The following MPDZ variants were observed in gnomAD, a reference collection of about 807,000 sequenced individuals.
The protein encoded by MPDZ is multiple PDZ domain protein.
MPDZ carries 234 observed loss-of-function variants against 239.1 expected under a neutral mutation model. That is an observed-to-expected ratio of 0.98 (90% CI 0.88 to 1.09). The LOEUF is 1.09. Ranked by LOEUF, MPDZ falls within the 50% of genes least tolerant of loss-of-function variation. MPDZ has a pLI of 0.00. For missense variants in MPDZ, 3,175 were observed against 2,510.0 expected, an observed-to-expected ratio of 1.26 and a Z score of -5.66; for synonymous variants, 1,048 against 881.3, an observed-to-expected ratio of 1.19 and a Z score of -3.35.
In MPDZ at chr9:13,106,893, T is replaced by C; in HGVS notation, c.*72A>G. 1 of 1,514,520 alleles carries C rather than the reference T, an allele frequency of 6.6e-7. No individual in the cohort carries two copies. The highest frequency in any genetic ancestry group is 1.3e-5 in the South Asian group (1 of 79,044). 93.8% of individuals were successfully genotyped at this position (1,514,520 alleles called of 1,614,324 possible). ...CCGGCTGAACACAGCATAAAAATTG[T>C]CAGGACCAGTGCATTCTCTTTACAG... On this transcript the variant is annotated 3_prime_UTR_variant, in exon 47 of 47. Coordinates refer to ENST00000319217, the MANE Select transcript of MPDZ (RefSeq NM_001378778.1).
intron 21 of MPDZ, among the ~76,000 whole-genome samples, chr9:13,171,782 A>C (rs1951814789): frequency 6.6e-6 from 1 of 152,194 alleles, no homozygotes; most frequent in African/African-American, 2.4e-5. Flanking sequence ...GTCATTTATT[A>C]ATAACTTCTT....
rs755549395 is a variant in MPDZ at position 13,140,108 on chromosome 9, C to A, written c.3882G>T (p.Leu1294Phe). ...AAGGAGGGGGTGGGGGCACACTGCACAATGGAGCCTTCTCTGGCTCTGACT... is the reference window on the plus strand; with the variant it reads ...AAGGAGGGGGTGGGGGCACACTGCAAAATGGAGCCTTCTCTGGCTCTGACT... The part of the protein sequence containing the change: ...QSESEPEKAP[L>F]CSVPPPPPSA... Residue 1294 changes from leucine (L) to phenylalanine (F), a missense_variant, in exon 28 of 47, where the codon TTG becomes TTT. Coordinates refer to ENST00000319217, the MANE Select transcript of MPDZ (RefSeq NM_001378778.1). 12 of 1,613,296 alleles carry A rather than the reference C, an allele frequency of 7.4e-6. No individual in the cohort carries two copies. The highest frequency in any genetic ancestry group is 9.3e-6 in the Non-Finnish European group (11 of 1,179,764).
intron 1 of MPDZ, among the ~76,000 whole-genome samples, chr9:13,259,252 G>A (rs1181791187): frequency 2.0e-5 from 3 of 151,468 alleles, no homozygotes; most frequent in Admixed American, 1.3e-4. Flanking sequence ...GGGTTCAAGC[G>A]ATTCTCCTGC....
intron 22 of MPDZ, among the ~76,000 whole-genome samples, chr9:13,167,801 T>C (rs913804692): frequency 2.6e-5 from 4 of 152,118 alleles, no homozygotes; most frequent in Admixed American, 1.3e-4. Flanking sequence ...TATGGGGTTA[T>C]TGGAAATTTT....
At chr9:13,208,789 C>G (rs1485789077) in intron 10 of MPDZ, among the ~76,000 whole-genome samples, 1 of 151,982 alleles carries the variant, frequency 6.6e-6, no homozygotes, top group Non-Finnish European at 1.5e-5. Context: ...AACCTCTGAT[C>G]TAGATGAAAA....
intron 28 of MPDZ, 123 bp from the exon 29 acceptor site, chr9:13,138,276 C>G: frequency 9.2e-7 from 1 of 1,085,902 alleles, no homozygotes; most frequent in Non-Finnish European, 1.3e-6. Flanking sequence ...TACGCTTTGA[C>G]AGTTAAAAGC....
At chr9:13,111,955 G>A in intron 43 of MPDZ, 69 bp downstream of exon 43, 1 of 1,534,346 alleles carries the variant, frequency 6.5e-7, no homozygotes, top group East Asian at 2.3e-5. Context: ...CAGGTAGCCA[G>A]GTTCAAAGGT....
At position 13,117,871 on chromosome 9, in the gene MPDZ, T is replaced by C. The variant is rs1586920361; in HGVS notation, c.5379+1631A>G. On this transcript the variant is annotated intron_variant, in intron 39 of 46. Coordinates refer to ENST00000319217, the MANE Select transcript of MPDZ (RefSeq NM_001378778.1). ...TTTTTTTTTTTTTTTTGAGATGGAG[T>C]TTCACTCTTATTGCCCAGGTTGGAC... is the stretch of plus-strand genomic sequence containing the variant. Among the ~76,000 whole-genome samples, 3 of 143,300 alleles carry C rather than the reference T, an allele frequency of 2.1e-5. No homozygotes were observed. The South Asian group carries it at 6.7e-4, about 32-fold the overall frequency. 94.0% of individuals were successfully genotyped at this position (143,300 alleles called of 152,430 possible).
Position 13,224,567 on chromosome 9 carries a change from G to A in MPDZ, c.200C>T (p.Ser67Leu), listed in dbSNP as rs1959916981. Residue 67 changes from serine to leucine, a missense_variant, in exon 4 of 47, where the codon TCA (serine) becomes TTA (leucine). Transcript: ENST00000319217. ...QLKDQVNIAT[S>L]ATSNIEYAHV... is the part of the protein sequence containing the mutation. ...GGCATATTCAATATTTGAAGTTGCT[G>A]AAGTTGCAATATTTACCTAAGAGTA... 2.5e-6 allele frequency: 4 copies of A among 1,609,878 alleles called. No individual in the cohort carries two copies. Among genetic ancestry groups the A allele is most frequent in the Non-Finnish European group, 3.4e-6 (4 of 1,177,564 alleles).
chr9:13,222,697 T>C (rs989655630), intron 5 of MPDZ, among the ~76,000 whole-genome samples: 2 of 152,118 alleles, frequency 1.3e-5, no homozygotes, highest in Non-Finnish European at 2.9e-5. Context: ...AGCTACCTAC[T>C]CAGCCTACAT....
At chr9:13,224,826 G>T (rs537304745) in intron 3 of MPDZ, among the ~76,000 whole-genome samples, 1 of 152,062 alleles carries the variant, frequency 6.6e-6, no homozygotes, top group Admixed American at 6.6e-5. Context: ...AAAAACTACC[G>T]CCAGGGTTCA....
At chr9:13,186,463 G>T in intron 17 of MPDZ, 77 bp from the exon 18 acceptor site, 1 of 1,045,788 alleles carries the variant, frequency 9.6e-7, no homozygotes, top group African/African-American at 1.6e-5. Flanking sequence ...AAGAGTAAAG[G>T]TAGGAAAAGT....
chr9:13,195,124 C>CA (rs1271995700), intron 13 of MPDZ, among the ~76,000 whole-genome samples: 3 of 151,836 alleles, frequency 2.0e-5, no homozygotes, highest in African/African-American at 7.3e-5. Context: ...CCAGTCTCTA[C>CA]AAAAAATACA....
At chr9:13,170,952 G>A (rs906793040) in intron 21 of MPDZ, among the ~76,000 whole-genome samples, 15 of 152,110 alleles carry the variant, frequency 9.9e-5, no homozygotes, top group African/African-American at 3.6e-4. Flanking sequence ...TTTCCTGGAA[G>A]AAGTATTAAA....
chr9:13,222,102 G>T, intron 6 of MPDZ, 131 bp downstream of exon 6: 1 of 625,014 alleles, frequency 1.6e-6, no homozygotes, highest in African/African-American at 1.9e-5. Flanking sequence ...TTCCAGGCTG[G>T]GGAAAAATAA....
At chr9:13,222,179 C>A (rs919479809) in intron 6 of MPDZ, 54 bp downstream of exon 6, 26 of 1,483,544 alleles carry the variant, frequency 1.8e-5, no homozygotes, top group Non-Finnish European at 2.4e-5. Flanking sequence ...TGGAGATAAC[C>A]AAAAACAACT....
intron 20 of MPDZ, 125 bp downstream of exon 20, chr9:13,176,011 G>C: frequency 7.1e-7 from 1 of 1,415,242 alleles, no homozygotes; most frequent in Non-Finnish European, 9.4e-7. Flanking sequence ...CAAGTTCATA[G>C]GTTGCCTTCT....
Position 13,247,728 on chromosome 9 carries a change from T to G in MPDZ, c.90A>C (p.Glu30Asp). The G allele has an allele frequency of 6.2e-7, 1 of 1,613,658 alleles. No homozygotes were observed. The highest frequency in any genetic ancestry group is 8.5e-7 in the Non-Finnish European group (1 of 1,179,654). ...KLRERGDVAN[E>D]DKLSLLKSVL... ...CTGACTTCAGAAGGCTCAGTTTGTC[T>G]TCATTTGCTACATCCCCACGTTCTC... Residue 30 changes from glutamate to aspartate, a missense_variant, in exon 3 of 47, where the codon GAA becomes GAC. Transcript: ENST00000319217.
At chr9:13,143,105 T>C (rs1421949808) in intron 27 of MPDZ, among the ~76,000 whole-genome samples, 2 of 152,080 alleles carry the variant, frequency 1.3e-5, no homozygotes, top group Admixed American at 6.6e-5. Context: ...TGAAAAGGAT[T>C]TAAATCAACA....
Sources: allele counts gnomAD v4.1 joint callset (sites outside exome capture counted in the v4.1 genomes callset), GRCh38; gene constraint gnomAD v4.1.1; transcripts MANE v1.5; gene names NCBI Gene and HGNC (gene_info 2026-07-23, HGNC 2026-07-21).